RANBP2: variants seen among roughly 807,000 people sequenced by gnomAD.
RANBP2 encodes E3 SUMO-protein ligase RanBP2.
A neutral mutation model predicts 303.6 loss-of-function variants in RANBP2; 57 were observed. The ratio of observed to expected loss-of-function variants is 0.19; its 90% CI spans 0.15 to 0.23. The LOEUF (loss-of-function observed/expected upper bound fraction) is 0.23, where lower values mean the gene tolerates loss of function less well. Ranked by LOEUF, RANBP2 falls within the 10% of genes least tolerant of loss-of-function variation. The pLI is 1.00. For missense variants in RANBP2, 3,138 were observed against 3,780.8 expected (o/e 0.83, Z 4.46); for synonymous variants, 1,167 against 1,301.5 (o/e 0.90, Z 2.23).
At chr2:108,812,612 A>C in the RANBP2 span, 1 of 1,590,126 alleles carries the variant, frequency 6.3e-7, no homozygotes, top group East Asian at 2.2e-5. Context: ...TGAAATATCT[A>C]ACTTTTTCTA....
chr2:109,281,935 C>T, the RANBP2 span, among the ~76,000 whole-genome samples: 1 of 152,126 alleles, frequency 6.6e-6, no homozygotes, highest in Non-Finnish European at 1.5e-5. Flanking sequence ...AAAGGCCTGC[C>T]TGGCTCTGTG....
the RANBP2 span, among the ~76,000 whole-genome samples, chr2:109,587,019 T>C: frequency 2.6e-5 from 4 of 152,076 alleles, no homozygotes; most frequent in African/African-American, 9.7e-5. Context: ...AAAAATGTGA[T>C]TCACAGTCAA....
chr2:109,384,320 A>G, the RANBP2 span, among the ~76,000 whole-genome samples: 116 of 152,332 alleles, frequency 7.6e-4, no homozygotes, highest in African/African-American at 2.5e-3. Context: ...CCGTGGAGAA[A>G]GTAACACCAG....
At chr2:109,732,725 A>G in the RANBP2 span, 1 of 644,266 alleles carries the variant, frequency 1.6e-6, no homozygotes, top group Non-Finnish European at 3.0e-6. Flanking sequence ...GCCTTGGTTT[A>G]TGTAGGTTTA....
Position 108,764,679 on chromosome 2 carries a change from A to G in RANBP2, c.4140A>G (p.Pro1380=). 6.2e-7 allele frequency: 1 copy of G among 1,614,062 alleles called. No homozygotes were observed. Among genetic ancestry groups the G allele is most frequent in the Non-Finnish European group, 8.5e-7 (1 of 1,179,962 alleles). Residue 1380 remains proline, a synonymous_variant, in exon 20 of 29, where the codon CCA becomes CCG. Transcript: ENST00000283195. ...GTGTATCATGCCAAAATCTAAACCC[A>G]AGCAATAAAGAGCTCGTTGGCCCAC... The part of the protein sequence containing the change: ...KKCVSCQNLN[P]SNKELVGPPL...
the RANBP2 span, among the ~76,000 whole-genome samples, chr2:109,437,962 G>C: frequency 2.0e-4 from 30 of 152,296 alleles, no homozygotes; most frequent in East Asian, 5.8e-3. Context: ...GGATAACACA[G>C]AATCTCTCTT....
the RANBP2 span, among the ~76,000 whole-genome samples, chr2:109,625,660 C>T: frequency 9.9e-5 from 15 of 151,938 alleles, no homozygotes; most frequent in South Asian, 2.1e-4. Flanking sequence ...AGCAAGACTC[C>T]GTCTCAAATA....
the RANBP2 span, among the ~76,000 whole-genome samples, chr2:109,453,767 G>A: frequency 6.6e-6 from 1 of 152,238 alleles, no homozygotes; most frequent in Non-Finnish European, 1.5e-5. Context: ...TGCAGGAGAG[G>A]GTGGGTGATT....
At chr2:109,376,369 T>G in the RANBP2 span, among the ~76,000 whole-genome samples, 1 of 152,224 alleles carries the variant, frequency 6.6e-6, no homozygotes, top group South Asian at 2.1e-4. Flanking sequence ...AGGAATCAGC[T>G]CGGGTTGGAG....
At chr2:109,115,767 A>G in the RANBP2 span, among the ~76,000 whole-genome samples, 1 of 152,196 alleles carries the variant, frequency 6.6e-6, no homozygotes, top group Non-Finnish European at 1.5e-5. Context: ...AGTGGCTGGT[A>G]CCGGTTGTTC....
At chr2:109,217,402 C>T in the RANBP2 span, among the ~76,000 whole-genome samples, 1 of 152,238 alleles carries the variant, frequency 6.6e-6, no homozygotes, top group Admixed American at 6.5e-5. Context: ...GAACATCACC[C>T]TGATCTTGAC....
At position 108,719,524 on chromosome 2, in the gene RANBP2, C is replaced by A; in HGVS notation, c.-83C>A. ...GCTACGGCGCTGCGTCACTGGTTTG[C>A]AGGCGCTTTCCTCTTGGAAGTGGCG... On this transcript the variant is annotated 5_prime_UTR_variant, in exon 1 of 29. Transcript: ENST00000283195. 2 of 1,547,120 alleles carry A rather than the reference C, an allele frequency of 1.3e-6. No individual in the cohort carries two copies. Among genetic ancestry groups the A allele is most frequent in the Non-Finnish European group, 1.7e-6 (2 of 1,146,202 alleles).
At chr2:109,225,693 G>A in the RANBP2 span, among the ~76,000 whole-genome samples, 1 of 152,256 alleles carries the variant, frequency 6.6e-6, no homozygotes, top group Non-Finnish European at 1.5e-5. Context: ...GAACAGAGAG[G>A]AGAGCAGGTG....
the RANBP2 span, among the ~76,000 whole-genome samples, chr2:109,628,555 C>T: frequency 6.6e-6 from 1 of 151,724 alleles, no homozygotes; most frequent in East Asian, 1.9e-4. Context: ...CCCACTATTC[C>T]CAGTATGGCC....
the RANBP2 span, among the ~76,000 whole-genome samples, chr2:108,909,129 CA>C: frequency 6.6e-6 from 1 of 152,292 alleles, no homozygotes; most frequent in South Asian, 2.1e-4. Context: ...TGTATGAAAG[CA>C]GTATATATTT....
At chr2:109,486,784 A>G in the RANBP2 span, among the ~76,000 whole-genome samples, 2 of 152,312 alleles carry the variant, frequency 1.3e-5, no homozygotes, top group African/African-American at 4.8e-5. Flanking sequence ...AGGGCCTTCC[A>G]GAAGAGAGAC....
At chr2:109,092,532 A>C in the RANBP2 span, among the ~76,000 whole-genome samples, 4 of 152,240 alleles carry the variant, frequency 2.6e-5, no homozygotes, top group African/African-American at 9.6e-5. Flanking sequence ...TCTTTTACCT[A>C]CATTTCCATA....
At chr2:109,046,086 CGAG>C in the RANBP2 span, among the ~76,000 whole-genome samples, 97 of 152,086 alleles carry the variant, frequency 6.4e-4, 1 homozygote, top group Non-Finnish European at 8.2e-4. Flanking sequence ...GGGCAGATCA[CGAG>C]GTCAGGAGAT....
At chr2:108,934,382 C>A in the RANBP2 span, among the ~76,000 whole-genome samples, 13 of 152,050 alleles carry the variant, frequency 8.5e-5, no homozygotes, top group African/African-American at 3.1e-4. Context: ...TTTGGGGATC[C>A]CCAATCTCCA....
Sources: gnomAD v4.1 joint callset for allele counts (sites outside exome capture counted in the v4.1 genomes callset) on GRCh38, gnomAD v4.1.1 for gene constraint, MANE v1.5 for transcripts, NCBI Gene and HGNC (gene_info 2026-07-23, HGNC 2026-07-21) for gene names.